The following ELMO1 variants were observed in gnomAD, a reference collection of about 807,000 sequenced individuals.
ELMO1 encodes the protein engulfment and cell motility 1.
ELMO1 carries 26 observed loss-of-function variants against 98.9 expected under a neutral mutation model. The observed-to-expected ratio is 0.26, with a 90% confidence interval of 0.19 to 0.36. The LOEUF is 0.36. Ranked by LOEUF, ELMO1 falls within the 10% of genes least tolerant of loss-of-function variation. The pLI is 1.00. For synonymous variants in ELMO1, 346 were observed against 346.0 expected, an observed-to-expected ratio of 1.00 and a Z score of 0.00; for missense variants, 627 against 935.2, an observed-to-expected ratio of 0.67 and a Z score of 4.30.
At chr7:36,914,316 G>C (rs894479628) in intron 16 of ELMO1, among the ~76,000 whole-genome samples, 5 of 152,148 alleles carry the variant, frequency 3.3e-5, no homozygotes, top group African/African-American at 1.2e-4. Flanking sequence ...GTATGTGTTA[G>C]GGCTAGGTGA....
chr7:37,273,766 C>T (rs561219173), intron 4 of ELMO1, among the ~76,000 whole-genome samples: 113 of 152,162 alleles, frequency 7.4e-4, no homozygotes, highest in Non-Finnish European at 1.4e-3. Flanking sequence ...TAATTTAAGA[C>T]GAGCCACAAG....
chr7:36,894,194 C>T (rs369764293), intron 17 of ELMO1, among the ~76,000 whole-genome samples: 1 of 152,178 alleles, frequency 6.6e-6, no homozygotes, highest in Admixed American at 6.5e-5. Context: ...CAAAATACCC[C>T]TCATGTGTGA....
intron 14 of ELMO1, among the ~76,000 whole-genome samples, chr7:37,114,208 G>T (rs560482597): frequency 2.6e-4 from 40 of 152,304 alleles, no homozygotes; most frequent in African/African-American, 7.2e-4. Context: ...TAACGTTCTG[G>T]CTACTGTGTT....
intron 8 of ELMO1, 74 bp downstream of exon 8, chr7:37,233,021 C>T: frequency 2.4e-6 from 3 of 1,255,634 alleles, no homozygotes; most frequent in Non-Finnish European, 3.3e-6. Context: ...AATTATGAAA[C>T]ATCCTCAAAG....
intron 16 of ELMO1, among the ~76,000 whole-genome samples, chr7:36,906,921 T>C (rs1357966929): frequency 6.6e-6 from 1 of 152,232 alleles, no homozygotes; most frequent in Non-Finnish European, 1.5e-5. Context: ...TAGAAATATA[T>C]GTCCATTCTT....
At chr7:37,399,836 G>A (rs578088409) in intron 1 of ELMO1, among the ~76,000 whole-genome samples, 53 of 152,216 alleles carry the variant, frequency 3.5e-4, no homozygotes, top group Middle Eastern at 3.4e-3. Context: ...TATAGCTCCC[G>A]CTCCACACAC....
intron 13 of ELMO1, among the ~76,000 whole-genome samples, chr7:37,166,111 C>G (rs1487476384): frequency 6.6e-6 from 1 of 152,192 alleles, no homozygotes; most frequent in Admixed American, 6.5e-5. Context: ...TCTAGATTTT[C>G]TAGATTATCT....
chr7:37,152,877 A>G (rs761701442), intron 13 of ELMO1, among the ~76,000 whole-genome samples: 14 of 152,220 alleles, frequency 9.2e-5, no homozygotes, highest in Non-Finnish European at 1.9e-4. Flanking sequence ...AAGTTTTTGT[A>G]TAATGTGTAT....
At chr7:36,866,002 C>G (rs1803006390) in intron 20 of ELMO1, among the ~76,000 whole-genome samples, 1 of 152,194 alleles carries the variant, frequency 6.6e-6, no homozygotes, top group Non-Finnish European at 1.5e-5. Context: ...AAGCATCACA[C>G]TGGAAAAACA....
chr7:36,933,249 T>C (rs566463156), intron 16 of ELMO1, among the ~76,000 whole-genome samples: 2 of 152,270 alleles, frequency 1.3e-5, no homozygotes, highest in East Asian at 3.9e-4. Flanking sequence ...CTTCACAATG[T>C]AGCTAAAACA....
chr7:37,356,760 TAA>T (rs1014434132), intron 1 of ELMO1, among the ~76,000 whole-genome samples: 2 of 135,718 alleles, frequency 1.5e-5, no homozygotes, highest in East Asian at 2.1e-4. Flanking sequence ...AAAGTATAAT[TAA>T]AAAAAAAAAA....
intron 21 of ELMO1, among the ~76,000 whole-genome samples, chr7:36,858,704 A>G (rs1802390967): frequency 6.6e-6 from 1 of 152,212 alleles, no homozygotes; most frequent in South Asian, 2.1e-4. Context: ...AGGTAGAGGG[A>G]GATCTGAGTA....
chr7:37,433,778 T>C (rs1020858073), intron 1 of ELMO1, among the ~76,000 whole-genome samples: 11 of 152,052 alleles, frequency 7.2e-5, no homozygotes, highest in South Asian at 4.1e-4. Context: ...CTGAAAACAA[T>C]TCCCTATTTT....
Position 37,101,080 on chromosome 7 carries a change from T to TTTA in ELMO1, c.1192-4356_1192-4354dup, listed in dbSNP as rs1385125563. On this transcript the variant is annotated intron_variant, in intron 14 of 21. Coordinates refer to ENST00000310758, the MANE Select transcript of ELMO1 (RefSeq NM_014800.11). The stretch of plus-strand genomic sequence containing the variant: ...CATGGCCAACATTTCACACAACACT[T>TTTA]TTACCAGCAGCTAAACCAAAATCAT... Among the ~76,000 whole-genome samples the TTTA allele has an allele frequency of 5.9e-5, 9 of 152,340 alleles. No homozygotes were observed. The East Asian group carries it at 9.6e-4, about 16-fold the overall frequency.
intron 15 of ELMO1, among the ~76,000 whole-genome samples, chr7:37,039,694 T>A (rs767504772): frequency 6.6e-6 from 1 of 152,252 alleles, no homozygotes; most frequent in Non-Finnish European, 1.5e-5. Flanking sequence ...GCCAGTTGAC[T>A]CTATTTCAGC....
At chr7:37,403,087 T>C (rs1660080648) in intron 1 of ELMO1, among the ~76,000 whole-genome samples, 1 of 152,200 alleles carries the variant, frequency 6.6e-6, no homozygotes, top group Admixed American at 6.5e-5. Context: ...GTAGTATAGA[T>C]ACACAATAGA....
At chr7:37,046,875 T>G in intron 15 of ELMO1, among the ~76,000 whole-genome samples, 1 of 151,950 alleles carries the variant, frequency 6.6e-6, no homozygotes, top group Non-Finnish European at 1.5e-5. Flanking sequence ...AACAAAGGGG[T>G]TTTCAAATCC....
intron 18 of ELMO1, among the ~76,000 whole-genome samples, chr7:36,882,655 A>C (rs1025341281): frequency 6.6e-6 from 1 of 152,232 alleles, no homozygotes; most frequent in African/African-American, 2.4e-5. Flanking sequence ...CCTGATGCTT[A>C]TTAGCTGCGG....
At position 36,944,659 on chromosome 7, in the gene ELMO1, G is replaced by T. The variant is rs148099845; in HGVS notation, c.1438-49642C>A. Among the ~76,000 whole-genome samples the T allele has an allele frequency of 3.6e-3, 555 of 152,302 alleles. 2 individuals carry two copies. Among genetic ancestry groups the T allele is most frequent in the African/African-American group, 0.013 (524 of 41,574 alleles). Reference sequence around the variant, plus strand: ...TCTCTGATGACCGGAGCTCCTTGAAGTCAACGGGACTTCACAGACATTGAT... The same window carrying T: ...TCTCTGATGACCGGAGCTCCTTGAATTCAACGGGACTTCACAGACATTGAT... On this transcript the variant is annotated intron_variant, in intron 16 of 21. Transcript: ENST00000310758.
Sources: gnomAD v4.1 joint callset for allele counts (sites outside exome capture counted in the v4.1 genomes callset) on GRCh38, gnomAD v4.1.1 for gene constraint, MANE v1.5 for transcripts, NCBI Gene and HGNC (gene_info 2026-07-23, HGNC 2026-07-21) for gene names.